Variants in SUCLG2 observed in about 807,000 individuals in gnomAD.
SUCLG2 encodes succinate-CoA ligase GDP-forming subunit beta, also known as succinate--CoA ligase [GDP-forming] subunit beta, mitochondrial.
In SUCLG2, 42 loss-of-function variants were observed where a neutral mutation model predicts 47.9. The ratio of observed to expected loss-of-function variants is 0.88; its 90% confidence interval spans 0.69 to 1.14. The LOEUF is 1.14. SUCLG2 is among the 50% of genes most tolerant of loss of function. The probability of loss-of-function intolerance (pLI) is 0.00; values close to 1 mark genes in which losing one functional copy is unlikely to be tolerated. For missense variants in SUCLG2, 571 were observed against 525.9 expected (o/e 1.09, Z -0.84); for synonymous variants, 195 against 197.3 (o/e 0.99, Z 0.10).
At chr3:67,377,029 C>T (rs1702047950) in intron 10 of SUCLG2, among the ~76,000 whole-genome samples, 1 of 152,188 alleles carries the variant, frequency 6.6e-6, no homozygotes, top group Non-Finnish European at 1.5e-5. Context: ...CGTAATCTTC[C>T]CAAGAACTAA....
At chr3:67,598,771 G>C (rs2363089) in intron 2 of SUCLG2, among the ~76,000 whole-genome samples, 76,394 of 151,982 alleles carry the variant, frequency 0.5, 20,398 homozygotes, top group African/African-American at 0.68. Flanking sequence ...ATGAGCCAGA[G>C]ACTGTTAAGG....
At position 67,480,821 on chromosome 3, in the gene SUCLG2, A is replaced by G. The variant is rs939535982; in HGVS notation, c.1062+14977T>C. ...ACTCTGTGAGCAGTAGCTAGGGAAGACAGGATCCAAGTGAAGACATACAGA... is the reference window on the plus strand; with the variant it reads ...ACTCTGTGAGCAGTAGCTAGGGAAGGCAGGATCCAAGTGAAGACATACAGA... On this transcript the variant is annotated intron_variant, in intron 9 of 10. Transcript: ENST00000307227. Among the ~76,000 whole-genome samples, 7 of 152,198 alleles carry G rather than the reference A, an allele frequency of 4.6e-5. No homozygotes were observed. In the South Asian group the frequency reaches 6.2e-4, roughly 13 times the overall value.
intron 1 of SUCLG2, among the ~76,000 whole-genome samples, chr3:67,615,223 C>T (rs970689985): frequency 2.3e-4 from 35 of 151,316 alleles, no homozygotes; most frequent in African/African-American, 7.8e-4. Context: ...GACATAAAAA[C>T]TCCAAGCACA....
At chr3:67,418,568 C>A (rs1263972213) in intron 9 of SUCLG2, among the ~76,000 whole-genome samples, 1 of 152,148 alleles carries the variant, frequency 6.6e-6, no homozygotes, top group African/African-American at 2.4e-5. Flanking sequence ...AAATCTATGA[C>A]AAATCCAAAA....
chr3:67,396,777 A>C (rs1176377787), intron 10 of SUCLG2, among the ~76,000 whole-genome samples: 1 of 152,222 alleles, frequency 6.6e-6, no homozygotes, highest in East Asian at 1.9e-4. Context: ...TCCTCAATAA[A>C]ATACTGGCAA....
intron 9 of SUCLG2, among the ~76,000 whole-genome samples, chr3:67,475,857 A>G (rs1479266662): frequency 6.6e-5 from 10 of 151,974 alleles, no homozygotes; most frequent in African/African-American, 7.2e-5. Context: ...CCCAACAAAA[A>G]TGTTTCCCTT....
chr3:67,444,352 G>A (rs1282552607), intron 9 of SUCLG2, among the ~76,000 whole-genome samples: 39 of 67,244 alleles, frequency 5.8e-4, no homozygotes, highest in African/African-American at 1.4e-3. Context: ...TTAGCCCCCC[G>A]CCTGGCCAGC....
intron 9 of SUCLG2, among the ~76,000 whole-genome samples, chr3:67,467,920 A>C (rs1704513135): frequency 6.6e-6 from 1 of 152,198 alleles, no homozygotes; most frequent in Non-Finnish European, 1.5e-5. Flanking sequence ...TCTAACACCA[A>C]ACTAAGCACC....
At chr3:67,475,845 T>A (rs1275698193) in intron 9 of SUCLG2, among the ~76,000 whole-genome samples, 1 of 151,916 alleles carries the variant, frequency 6.6e-6, no homozygotes, top group Non-Finnish European at 1.5e-5. Flanking sequence ...TCAGCCACCA[T>A]GCCCAACAAA....
At chr3:67,499,052 C>A (rs955532839) in intron 7 of SUCLG2, among the ~76,000 whole-genome samples, 1 of 152,112 alleles carries the variant, frequency 6.6e-6, no homozygotes, top group Admixed American at 6.5e-5. Flanking sequence ...TTCCTGGAAC[C>A]GATTCCCTGC....
chr3:67,605,644 T>C (rs1227013435), intron 2 of SUCLG2, among the ~76,000 whole-genome samples: 2 of 152,062 alleles, frequency 1.3e-5, no homozygotes, highest in Admixed American at 6.6e-5. Flanking sequence ...ATCATAGATA[T>C]GCACTGGTGA....
intron 4 of SUCLG2, among the ~76,000 whole-genome samples, chr3:67,522,168 A>T: frequency 6.6e-6 from 1 of 151,778 alleles, no homozygotes; most frequent in Middle Eastern, 3.4e-3. Context: ...GAATCTCCTG[A>T]GTAGCTGAAA....
At chr3:67,395,705 C>G (rs1384772642) in intron 10 of SUCLG2, among the ~76,000 whole-genome samples, 1 of 152,150 alleles carries the variant, frequency 6.6e-6, no homozygotes, top group African/African-American at 2.4e-5. Context: ...CACCCCAAAT[C>G]AACAGAATAT....
chr3:67,426,616 A>G (rs1703307045), intron 9 of SUCLG2, among the ~76,000 whole-genome samples: 1 of 152,180 alleles, frequency 6.6e-6, no homozygotes, highest in East Asian at 1.9e-4. Context: ...TAATAGCATG[A>G]CACTCTTTTC....
At chr3:67,631,454 C>G (rs1422970477) in intron 1 of SUCLG2, among the ~76,000 whole-genome samples, 2 of 151,824 alleles carry the variant, frequency 1.3e-5, no homozygotes, top group African/African-American at 4.8e-5. Flanking sequence ...ATGGTGAAAC[C>G]CCGTCTCTAC....
intron 7 of SUCLG2, among the ~76,000 whole-genome samples, chr3:67,503,279 G>T (rs761721301): frequency 6.6e-6 from 1 of 151,970 alleles, no homozygotes; most frequent in Non-Finnish European, 1.5e-5. Context: ...TATAGTGAAG[G>T]AGAAACTTAG....
intron 10 of SUCLG2, among the ~76,000 whole-genome samples, chr3:67,368,778 G>C (rs1041601472): frequency 6.6e-6 from 1 of 152,000 alleles, no homozygotes; most frequent in African/African-American, 2.4e-5. Flanking sequence ...GCTAGTTTTT[G>C]TATTTTTAGT....
At position 67,442,614 on chromosome 3, in the gene SUCLG2, CTT is replaced by C. The variant is rs567942887; in HGVS notation, c.1063-41765_1063-41764del. 3.9e-4 allele frequency among the ~76,000 whole-genome samples: 59 copies of C among 152,168 alleles called. 1 individual carries two copies. Among genetic ancestry groups the C allele is most frequent in the Non-Finnish European group, 7.2e-4 (49 of 68,026 alleles). ...AGTGTTTTTCAGATATGACCAAAGA[CTT>C]TGGGTGGCCTTCAGCCTAATCAAAA... On this transcript the variant is annotated intron_variant, in intron 9 of 10. Transcript: ENST00000307227.
At chr3:67,415,405 C>T (rs1398654533) in intron 9 of SUCLG2, among the ~76,000 whole-genome samples, 1 of 152,156 alleles carries the variant, frequency 6.6e-6, no homozygotes, top group Non-Finnish European at 1.5e-5. Context: ...AGATGCTAGG[C>T]ACTGCCTAAG....
Sources: allele counts gnomAD v4.1 joint callset (sites outside exome capture counted in the v4.1 genomes callset), GRCh38; gene constraint gnomAD v4.1.1; transcripts MANE v1.5; gene names NCBI Gene and HGNC (gene_info 2026-07-23, HGNC 2026-07-21).